Variants in NYAP2 observed in about 807,000 individuals in gnomAD.
The protein encoded by NYAP2 is neuronal tyrosine-phosphorylated phosphoinositide-3-kinase adapter 2.
NYAP2 carries 23 observed loss-of-function variants against 50.4 expected under a neutral mutation model. The observed-to-expected ratio is 0.46, with a 90% confidence interval of 0.33 to 0.65. NYAP2 has a LOEUF of 0.65. NYAP2 is among the 30% of genes least tolerant of loss of function. The pLI is 0.02. For synonymous variants in NYAP2, 394 were observed against 365.2 expected, an observed-to-expected ratio of 1.08 and a Z score of -0.90; for missense variants, 885 against 861.0, an observed-to-expected ratio of 1.03 and a Z score of -0.35.
chr2:225,672,352 C>G, the NYAP2 span, among the ~76,000 whole-genome samples: 1 of 152,154 alleles, frequency 6.6e-6, no homozygotes, highest in Non-Finnish European at 1.5e-5. Context: ...TTTCTGCTGG[C>G]TGCAAACTTT....
At chr2:225,545,237 G>A (rs1476994455) in intron 4 of NYAP2, among the ~76,000 whole-genome samples, 1 of 152,024 alleles carries the variant, frequency 6.6e-6, no homozygotes, top group Non-Finnish European at 1.5e-5. Flanking sequence ...CTCTATGTTT[G>A]GGAAGTTCTC....
At chr2:225,544,175 T>C (rs1691524915) in intron 4 of NYAP2, among the ~76,000 whole-genome samples, 1 of 151,924 alleles carries the variant, frequency 6.6e-6, no homozygotes, top group South Asian at 2.1e-4. Flanking sequence ...TCTATGTGTA[T>C]CTTTATAGGT....
chr2:225,408,988 T>A, exon 3 of NYAP2: 1 of 1,612,482 alleles, frequency 6.2e-7, no homozygotes, highest in Non-Finnish European at 8.5e-7. Context: ...GCTTGGTTAT[T>A]CAGAATGCGT....
intron 6 of NYAP2, among the ~76,000 whole-genome samples, chr2:225,637,774 A>G (rs1693447966): frequency 6.6e-6 from 1 of 152,216 alleles, no homozygotes; most frequent in Admixed American, 6.5e-5. Flanking sequence ...TGATACTGGT[A>G]GTATGGCTTT....
chr2:225,613,437 A>G (rs1692933668), intron 5 of NYAP2, among the ~76,000 whole-genome samples: 1 of 152,088 alleles, frequency 6.6e-6, no homozygotes, highest in South Asian at 2.1e-4. Flanking sequence ...CTCCCAGTCC[A>G]CTGACTCAAA....
intron 4 of NYAP2, among the ~76,000 whole-genome samples, chr2:225,534,246 A>T (rs569316745): frequency 6.6e-6 from 1 of 152,294 alleles, no homozygotes; most frequent in African/African-American, 2.4e-5. Context: ...GAGGACTAGC[A>T]TTTCCCTCAT....
chr2:225,445,728 C>T (rs1689541425), intron 3 of NYAP2, among the ~76,000 whole-genome samples: 1 of 151,896 alleles, frequency 6.6e-6, no homozygotes, highest in South Asian at 2.1e-4. Context: ...CAATTTGGTG[C>T]TGGGCTAAAT....
chr2:225,667,054 C>A, the NYAP2 span, among the ~76,000 whole-genome samples: 1 of 152,116 alleles, frequency 6.6e-6, no homozygotes, highest in African/African-American at 2.4e-5. Context: ...TAGGGCATGA[C>A]TCTCCAGACC....
intron 4 of NYAP2, among the ~76,000 whole-genome samples, chr2:225,566,385 A>G (rs899825790): frequency 1.3e-5 from 2 of 152,210 alleles, no homozygotes; most frequent in African/African-American, 4.8e-5. Flanking sequence ...ACAGACTTCC[A>G]AAGGATAATC....
chr2:225,427,518 C>T (rs1409118216), intron 3 of NYAP2, among the ~76,000 whole-genome samples: 1 of 152,208 alleles, frequency 6.6e-6, no homozygotes, highest in Non-Finnish European at 1.5e-5. Flanking sequence ...AGTTTAGCCT[C>T]TGCTCACGTC....
the NYAP2 span, among the ~76,000 whole-genome samples, chr2:225,686,092 G>A: frequency 6.6e-6 from 1 of 152,026 alleles, no homozygotes; most frequent in Admixed American, 6.6e-5. Flanking sequence ...CTCACACCTC[G>A]ATAGATGGTG....
intron 3 of NYAP2, among the ~76,000 whole-genome samples, chr2:225,415,789 AG>A (rs1260242355): frequency 6.6e-6 from 1 of 152,170 alleles, no homozygotes; most frequent in Admixed American, 6.6e-5. Flanking sequence ...GTCAACTTTA[AG>A]AAATACTCTA....
chr2:225,475,191 A>G (rs1198480604), intron 3 of NYAP2, among the ~76,000 whole-genome samples: 1 of 152,220 alleles, frequency 6.6e-6, no homozygotes, highest in Non-Finnish European at 1.5e-5. Flanking sequence ...GGAATATATC[A>G]TCTGAAGAAT....
At chr2:225,675,205 G>A in the NYAP2 span, among the ~76,000 whole-genome samples, 8 of 151,958 alleles carry the variant, frequency 5.3e-5, no homozygotes, top group South Asian at 2.1e-4. Context: ...GTAAATTGCC[G>A]ATGCCGAGGC....
At chr2:225,448,055 C>A (rs941318339) in intron 3 of NYAP2, among the ~76,000 whole-genome samples, 1 of 152,178 alleles carries the variant, frequency 6.6e-6, no homozygotes, top group Admixed American at 6.5e-5. Context: ...TTTGTTGCCA[C>A]CTGAGATGGG....
intron 4 of NYAP2, among the ~76,000 whole-genome samples, chr2:225,581,026 A>G (rs1299792290): frequency 1.3e-5 from 2 of 152,262 alleles, no homozygotes; most frequent in East Asian, 3.8e-4. Flanking sequence ...GAATTTAGTC[A>G]CAGGCATTTG....
At chr2:225,431,169 G>T (rs1695360485) in intron 3 of NYAP2, among the ~76,000 whole-genome samples, 1 of 152,154 alleles carries the variant, frequency 6.6e-6, no homozygotes, top group Non-Finnish European at 1.5e-5. Context: ...AAATTATGAT[G>T]AAACTATAGT....
At chr2:225,422,952 A>G (rs1695238410) in intron 3 of NYAP2, among the ~76,000 whole-genome samples, 1 of 152,180 alleles carries the variant, frequency 6.6e-6, no homozygotes, top group Non-Finnish European at 1.5e-5. Context: ...AAAAGACACT[A>G]TAAAATATGG....
chr2:225,553,808 G>A (rs1042851360), intron 4 of NYAP2, among the ~76,000 whole-genome samples: 1 of 152,050 alleles, frequency 6.6e-6, no homozygotes, highest in Non-Finnish European at 1.5e-5. Flanking sequence ...AGGCTGAGGC[G>A]GGTGGATCAC....
Sources: allele counts gnomAD v4.1 joint callset (sites outside exome capture counted in the v4.1 genomes callset), GRCh38; gene constraint gnomAD v4.1.1; transcripts MANE v1.5; gene names NCBI Gene and HGNC (gene_info 2026-07-23, HGNC 2026-07-21).